Variants in TMEM215 observed in about 807,000 individuals in gnomAD.
TMEM215 encodes transmembrane protein 215.
In TMEM215, 12 loss-of-function variants were observed where a neutral mutation model predicts 14.7. The observed-to-expected ratio is 0.82, with a 90% CI of 0.52 to 1.33. The LOEUF (loss-of-function observed/expected upper bound fraction) is 1.33, where lower values mean the gene tolerates loss of function less well. TMEM215 is among the 40% of genes most tolerant of loss of function. The pLI, the probability that TMEM215 is intolerant of heterozygous loss-of-function variation, is 0.00. For synonymous variants in TMEM215, 122 were observed against 124.8 expected, an observed-to-expected ratio of 0.98 and a Z score of 0.15; for missense variants, 276 against 296.2, an observed-to-expected ratio of 0.93 and a Z score of 0.50.
In TMEM215 at chr9:32,785,673, G is replaced by A. The variant is rs1375644786; in HGVS notation, c.*782G>A. 1 of 166,538 alleles carries A rather than the reference G, an allele frequency of 6.0e-6. No individual in the cohort carries two copies. Among genetic ancestry groups the A allele is most frequent in the Non-Finnish European group, 1.5e-5 (1 of 68,088 alleles). 10.3% of individuals were successfully genotyped at this position (166,538 alleles called of 1,614,324 possible). On this transcript the variant is annotated 3_prime_UTR_variant, in exon 2 of 2. Coordinates refer to ENST00000342743, the MANE Select transcript of TMEM215 (RefSeq NM_212558.3). ...TCATTCATGTATTATTTCCTTACCA[G>A]GTGCAACATTATTTGAAATGATACT... is the stretch of plus-strand genomic sequence containing the variant.
In TMEM215 at chr9:32,784,366, G is replaced by A. The variant is rs1304342908; in HGVS notation, c.183G>A (p.Arg61=). 3 of 1,614,212 alleles carry A rather than the reference G, an allele frequency of 1.9e-6. No homozygotes were observed. Among genetic ancestry groups the A allele is most frequent in the South Asian group, 1.1e-5 (1 of 91,084 alleles). Residue 61 remains arginine (R), a synonymous_variant, in exon 2 of 2, where the codon AGG becomes AGA. Coordinates refer to ENST00000342743, the MANE Select transcript of TMEM215 (RefSeq NM_212558.3). ...LPGIAAIALA[R]KTEGCTKWPE... ...GCATCGCAGCCATTGCCCTGGCCAG[G>A]AAAACCGAGGGATGCACCAAGTGGC...
At position 32,783,597 on chromosome 9, in the gene TMEM215, G is replaced by T. The variant is rs762213720; in HGVS notation, c.-267G>T. 6.5e-6 allele frequency: 1 copy of T among 153,038 alleles called. No individual in the cohort carries two copies. The highest frequency in any genetic ancestry group is 1.5e-5 in the Non-Finnish European group (1 of 68,742). The allele number at this position is 153,038 out of a possible 1,614,324, so 9.5% of individuals were successfully genotyped here. Reference sequence around the variant, plus strand: ...GCGCTCTGCGCGCTGAGCTGGCGCCGGGCTCCGCTTGCACAGCACCGGGAC... The same window carrying T: ...GCGCTCTGCGCGCTGAGCTGGCGCCTGGCTCCGCTTGCACAGCACCGGGAC... On this transcript the variant is annotated 5_prime_UTR_variant, in exon 1 of 2. Coordinates refer to ENST00000342743, the MANE Select transcript of TMEM215 (RefSeq NM_212558.3).
intron 1 of TMEM215, 34 bp downstream of exon 1, chr9:32,783,839 A>G: frequency 4.3e-6 from 1 of 232,540 alleles, no homozygotes; most frequent in Non-Finnish European, 8.3e-6. Context: ...GCGTGTTGAT[A>G]TGAGAGAGAG....
Position 32,784,756 on chromosome 9 carries a change from G to T in TMEM215, c.573G>T (p.Glu191Asp), listed in dbSNP as rs1587095640. ...CAAGGGACAGATCTGAGTGCCCTGA[G>T]CCTGAGGATAGCATCTTCTTTGTGC... is the stretch of plus-strand genomic sequence containing the variant. ...CSARDRSECP[E>D]PEDSIFFVPQ... The change falls in exon 2 of 2, where the codon GAG (glutamate) becomes GAT (aspartate). Residue 191 changes from glutamate to aspartate, a missense_variant. Physicochemically the swap from Glu to Asp is conservative, Grantham distance 45 (BLOSUM62 2). Coordinates refer to ENST00000342743, the MANE Select transcript of TMEM215 (RefSeq NM_212558.3). The T allele has an allele frequency of 6.2e-7, 1 of 1,614,016 alleles. No homozygotes were observed. Among genetic ancestry groups the T allele is most frequent in the Non-Finnish European group, 8.5e-7 (1 of 1,180,030 alleles).
At position 32,789,161 on chromosome 9, in the gene TMEM215, G is replaced by C. The variant is rs1824538669; in HGVS notation, c.*4270G>C. 6.6e-6 allele frequency among the ~76,000 whole-genome samples: 1 copy of C among 152,148 alleles called. No homozygotes were observed. The highest frequency in any genetic ancestry group is 1.5e-5 in the Non-Finnish European group (1 of 68,028). On this transcript the variant is annotated 3_prime_UTR_variant, in exon 2 of 2. Transcript: ENST00000342743. ...GGATGGAAATGGGGACAAATGCTTG[G>C]TTTGCCCAAATATCTTAATAAAAGA...
chr9:32,784,343 A>C lies in TMEM215; in HGVS notation c.160A>C (p.Ile54Leu). 6.2e-7 allele frequency: 1 copy of C among 1,614,248 alleles called. No homozygotes were observed. The highest frequency in any genetic ancestry group is 8.5e-7 in the Non-Finnish European group (1 of 1,180,046). The change falls in exon 2 of 2, where the codon ATC becomes CTC. Residue 54 changes from isoleucine (I) to leucine (L), a missense_variant. Ile to Leu is a conservative substitution (Grantham distance 5). Coordinates refer to ENST00000342743, the MANE Select transcript of TMEM215 (RefSeq NM_212558.3). ...CGGGCCAGCCATCTGCCTACCAGGCATCGCAGCCATTGCCCTGGCCAGGAA... is the reference window on the plus strand; with the variant it reads ...CGGGCCAGCCATCTGCCTACCAGGCCTCGCAGCCATTGCCCTGGCCAGGAA... ...AIGPAICLPG[I>L]AAIALARKTE...
Position 32,785,014 on chromosome 9 carries a change from T to C in TMEM215, c.*123T>C, listed in dbSNP as rs1345422379. 1.8e-5 allele frequency: 14 copies of C among 776,292 alleles called. No individual in the cohort carries two copies. Among genetic ancestry groups the C allele is most frequent in the Middle Eastern group, 3.4e-4 (1 of 2,924 alleles). 48.1% of individuals were successfully genotyped at this position (776,292 alleles called of 1,614,324 possible). A position where few individuals can be genotyped will look rare whatever the true frequency, so the allele number is the denominator to read the frequency against. ...AAATTGACCTGGTATGTGATGGGTG[T>C]GATAACCTCTGGTACCCGAGAGTCA... On this transcript the variant is annotated 3_prime_UTR_variant, in exon 2 of 2. Coordinates refer to ENST00000342743, the MANE Select transcript of TMEM215 (RefSeq NM_212558.3).
rs1261900974 is a variant in TMEM215 at position 32,788,518 on chromosome 9, T to G, written c.*3627T>G. ...TTTAGTGATGTTCCATAATTTATCA[T>G]GCCATTCCTTATTGCTGGCAAGATA... On this transcript the variant is annotated 3_prime_UTR_variant, in exon 2 of 2. Transcript: ENST00000342743. Among the ~76,000 whole-genome samples, 1 of 152,272 alleles carries G rather than the reference T, an allele frequency of 6.6e-6. No homozygotes were observed. The highest frequency in any genetic ancestry group is 2.4e-5 in the African/African-American group (1 of 41,480).
rs753866035 is a variant in TMEM215 at position 32,784,431 on chromosome 9, T to C, written c.248T>C (p.Phe83Ser). The change falls in exon 2 of 2, where the codon TTC (phenylalanine) becomes TCC (serine). Residue 83 changes from phenylalanine (F) to serine (S), a missense_variant. Phe to Ser is a radical substitution (Grantham distance 155). Coordinates refer to ENST00000342743, the MANE Select transcript of TMEM215 (RefSeq NM_212558.3). ...ELLWVRKLPCFRKPKDKEVVE... is the reference protein window; with the variant it reads ...ELLWVRKLPCSRKPKDKEVVE... ...CTGTGGGTCCGCAAATTGCCCTGCT[T>C]CCGGAAACCCAAAGACAAGGAGGTG... The C allele has an allele frequency of 1.9e-6, 3 of 1,614,030 alleles. No individual in the cohort carries two copies. The highest frequency in any genetic ancestry group is 2.5e-6 in the Non-Finnish European group (3 of 1,180,020).
At position 32,784,889 on chromosome 9, in the gene TMEM215, T is replaced by A; in HGVS notation, c.706T>A (p.Ter236LysextTer14). 6.2e-7 allele frequency: 1 copy of A among 1,609,668 alleles called. No homozygotes were observed. Among genetic ancestry groups the A allele is most frequent in the Non-Finnish European group, 8.5e-7 (1 of 1,177,682 alleles). The change falls in exon 2 of 2, where the codon TAA becomes AAA. Residue 236 changes from the stop codon to lysine (K), a stop_lost. Transcript: ENST00000342743. ...CAGGTGGGACCACGAGACCATCGTC[T>A]AATCTCTGCCTACAAAGGTGGCTGG... ...QGRWDHETIV[*>K]
rs780086267 is a variant in TMEM215, at chr9:32,784,809, A to C, written c.626A>C (p.Tyr209Ser). The change falls in exon 2 of 2, where the codon TAC becomes TCC. Residue 209 changes from tyrosine to serine, a missense_variant. Transcript: ENST00000342743. ...CAGGACAGTATCATCGTTTGCTCCTACAAGCAGAACAGCCCGTATGACAGA... is the reference window on the plus strand; with the variant it reads ...CAGGACAGTATCATCGTTTGCTCCTCCAAGCAGAACAGCCCGTATGACAGA... ...VPQDSIIVCS[Y>S]KQNSPYDRYC... 1.2e-6 allele frequency: 2 copies of C among 1,613,572 alleles called. No homozygotes were observed. Among genetic ancestry groups the C allele is most frequent in the Admixed American group, 3.3e-5 (2 of 60,012 alleles).
chr9:32,789,045 A>T lies in TMEM215; in HGVS notation c.*4154A>T, dbSNP rs1795883647. ...GTATATGTATTGTCGCCTATCAGTG[A>T]CTTACAAATGAACTGGAATTTCAGG... On this transcript the variant is annotated 3_prime_UTR_variant, in exon 2 of 2. Transcript: ENST00000342743. Among the ~76,000 whole-genome samples, 1 of 152,224 alleles carries T rather than the reference A, an allele frequency of 6.6e-6. No homozygotes were observed. Among genetic ancestry groups the T allele is most frequent in the Non-Finnish European group, 1.5e-5 (1 of 68,044 alleles).
rs1040734001 is a variant in TMEM215 at position 32,783,577 on chromosome 9, C to T, written c.-287C>T. ...CCCTCCTCCTCCCGCGCCCCGCGCT[C>T]TGCGCGCTGAGCTGGCGCCGGGCTC... On this transcript the variant is annotated 5_prime_UTR_variant, in exon 1 of 2. Transcript: ENST00000342743. 4.6e-5 allele frequency: 7 copies of T among 153,362 alleles called. No individual in the cohort carries two copies. Among genetic ancestry groups the T allele is most frequent in the African/African-American group, 1.7e-4 (7 of 41,492 alleles). 9.5% of individuals were successfully genotyped at this position (153,362 alleles called of 1,614,324 possible).
rs866132996 is a variant in TMEM215 at position 32,789,181 on chromosome 9, A to G, written c.*4290A>G. Among the ~76,000 whole-genome samples the G allele has an allele frequency of 2.0e-5, 3 of 152,292 alleles. No individual in the cohort carries two copies. The highest frequency in any genetic ancestry group is 7.2e-5 in the African/African-American group (3 of 41,550). ...GCTTGGTTTGCCCAAATATCTTAAT[A>G]AAAGACTAGATTCCATTCAACCTCT... On this transcript the variant is annotated 3_prime_UTR_variant, in exon 2 of 2. Coordinates refer to ENST00000342743, the MANE Select transcript of TMEM215 (RefSeq NM_212558.3).
chr9:32,787,210 G>T lies in TMEM215; in HGVS notation c.*2319G>T. The T allele has an allele frequency of 6.0e-6, 1 of 167,006 alleles. No individual in the cohort carries two copies. The allele number at this position is 167,006 out of a possible 1,614,324, so 10.3% of individuals were successfully genotyped here. On this transcript the variant is annotated 3_prime_UTR_variant, in exon 2 of 2. Coordinates refer to ENST00000342743, the MANE Select transcript of TMEM215 (RefSeq NM_212558.3). ...ATTTAAAACTCCTTTATATCATTCT[G>T]TCTCTTTCCAAATTGAGGGTCAACT...
Position 32,784,978 on chromosome 9 carries a change from C to A in TMEM215, c.*87C>A. On this transcript the variant is annotated 3_prime_UTR_variant, in exon 2 of 2. Transcript: ENST00000342743. ...CAAATTGCTCTGCTTGGAGAGCCTT[C>A]ACACTGTTAGAAATTGACCTGGTAT... 1 of 1,129,748 alleles carries A rather than the reference C, an allele frequency of 8.9e-7. No individual in the cohort carries two copies. The highest frequency in any genetic ancestry group is 1.3e-6 in the Non-Finnish European group (1 of 774,058). 70.0% of individuals were successfully genotyped at this position (1,129,748 alleles called of 1,614,324 possible).
At position 32,784,270 on chromosome 9, in the gene TMEM215, C is replaced by G; in HGVS notation, c.87C>G (p.Val29=). 11 of 1,614,220 alleles carry G rather than the reference C, an allele frequency of 6.8e-6. No homozygotes were observed. Among genetic ancestry groups the G allele is most frequent in the Non-Finnish European group, 9.3e-6 (11 of 1,180,042 alleles). Residue 29 remains valine, a synonymous_variant, in exon 2 of 2, where the codon GTC becomes GTG. Coordinates refer to ENST00000342743, the MANE Select transcript of TMEM215 (RefSeq NM_212558.3). ...VFLVFGFMFT[V]SGMKGETLGN... is the part of the protein sequence containing the mutation. ...TCGTCTTTGGTTTCATGTTCACCGT[C>G]TCTGGGATGAAAGGGGAGACTTTGG...
chr9:32,787,685 C>A lies in TMEM215; in HGVS notation c.*2794C>A, dbSNP rs1458281180. ...GAGAGCAACTCATTCTGATGAGTTA[C>A]ACAGTTTTAGCAAATTGTTCTTATC... On this transcript the variant is annotated 3_prime_UTR_variant, in exon 2 of 2. Transcript: ENST00000342743. 6.6e-6 allele frequency among the ~76,000 whole-genome samples: 1 copy of A among 152,044 alleles called. No individual in the cohort carries two copies. The highest frequency in any genetic ancestry group is 1.5e-5 in the Non-Finnish European group (1 of 67,964).
rs111724809 is a variant in TMEM215, at chr9:32,786,857, C to T, written c.*1966C>T. 2 of 166,964 alleles carry T rather than the reference C, an allele frequency of 1.2e-5. No individual in the cohort carries two copies. Among genetic ancestry groups the T allele is most frequent in the African/African-American group, 4.8e-5 (2 of 41,526 alleles). 10.3% of individuals were successfully genotyped at this position (166,964 alleles called of 1,614,324 possible). A position where few individuals can be genotyped will look rare whatever the true frequency, so the allele number is the denominator to read the frequency against. ...AACTCAAAGTAATCTAATACACAAC[C>T]TTGCACTAAATGTGATTGACATTTG... On this transcript the variant is annotated 3_prime_UTR_variant, in exon 2 of 2. Coordinates refer to ENST00000342743, the MANE Select transcript of TMEM215 (RefSeq NM_212558.3).
Sources: allele counts gnomAD v4.1 joint callset (sites outside exome capture counted in the v4.1 genomes callset), GRCh38; gene constraint gnomAD v4.1.1; transcripts MANE v1.5; gene names NCBI Gene and HGNC (gene_info 2026-07-23, HGNC 2026-07-21).